The following PRMT8 variants were observed in gnomAD, a reference collection of about 807,000 sequenced individuals.
The protein encoded by PRMT8 is protein arginine methyltransferase 8.
A neutral mutation model predicts 47.1 loss-of-function variants in PRMT8; 7 were observed. The observed-to-expected ratio is 0.15, with a 90% confidence interval of 0.08 to 0.28. The LOEUF (loss-of-function observed/expected upper bound fraction) is 0.28. Ranked by LOEUF, PRMT8 falls within the 10% of genes least tolerant of loss-of-function variation. The probability of loss-of-function intolerance (pLI) is 1.00; values close to 1 mark genes in which losing one functional copy is unlikely to be tolerated. For missense variants in PRMT8, 237 were observed against 505.4 expected (o/e 0.47, Z 5.09); for synonymous variants, 188 against 186.5 (o/e 1.01, Z -0.07).
intron 2 of PRMT8, 107 bp from the exon 3 acceptor site, chr12:3,549,829 C>A: frequency 7.9e-7 from 1 of 1,264,660 alleles, no homozygotes; most frequent in Non-Finnish European, 1.1e-6. Context: ...ATGATATTAT[C>A]GGGTCTCCTG....
At chr12:3,589,154 G>T (rs1037738660) in intron 8 of PRMT8, among the ~76,000 whole-genome samples, 5 of 152,228 alleles carry the variant, frequency 3.3e-5, no homozygotes, top group African/African-American at 1.2e-4. Flanking sequence ...TTTAGGTAGG[G>T]TGGCCATGTA....
chr12:3,544,230 C>T (rs2137169400), intron 2 of PRMT8, among the ~76,000 whole-genome samples: 1 of 152,268 alleles, frequency 6.6e-6, no homozygotes, highest in Middle Eastern at 3.4e-3. Context: ...GGCTCTTCTC[C>T]CAGGAAGGGG....
chr12:3,437,347 G>C (rs1412602135), intron 1 of PRMT8, among the ~76,000 whole-genome samples: 1 of 151,816 alleles, frequency 6.6e-6, no homozygotes, highest in East Asian at 1.9e-4. Context: ...GTACAATTTA[G>C]TTTTATATAT....
At chr12:3,474,477 C>T (rs192293646) in intron 1 of PRMT8, among the ~76,000 whole-genome samples, 132 of 152,280 alleles carry the variant, frequency 8.7e-4, no homozygotes, top group Middle Eastern at 3.4e-3. Flanking sequence ...CCTGTCTCTT[C>T]CTGTTGGCTT....
intron 1 of PRMT8, among the ~76,000 whole-genome samples, chr12:3,522,648 TAAAAA>T (rs57112104): frequency 4.3e-4 from 56 of 131,028 alleles, no homozygotes; most frequent in Non-Finnish European, 6.9e-4. Flanking sequence ...GAGACTCCAT[TAAAAA>T]AAAAAAAAAA....
intron 1 of PRMT8, among the ~76,000 whole-genome samples, chr12:3,471,564 C>A (rs11615106): frequency 0.048 from 7,341 of 151,708 alleles, 246 homozygotes; most frequent in Non-Finnish European, 0.067. Flanking sequence ...CAGTCACCCC[C>A]CCTTGGCCCT....
chr12:3,400,385 A>G (rs1864304558), intron 1 of PRMT8, among the ~76,000 whole-genome samples: 1 of 152,232 alleles, frequency 6.6e-6, no homozygotes, highest in Non-Finnish European at 1.5e-5. Context: ...AAATACCTCT[A>G]TGCACATAAA....
intron 1 of PRMT8, among the ~76,000 whole-genome samples, chr12:3,432,375 C>T (rs746613688): frequency 6.6e-5 from 10 of 152,214 alleles, no homozygotes; most frequent in Admixed American, 2.0e-4. Flanking sequence ...GTAAGACACA[C>T]GCTCAAGGAA....
At chr12:3,539,807 G>C (rs1290586407) in intron 1 of PRMT8, among the ~76,000 whole-genome samples, 1 of 152,236 alleles carries the variant, frequency 6.6e-6, no homozygotes, top group Non-Finnish European at 1.5e-5. Context: ...AATTGGTTGT[G>C]TGGAGGCCAT....
At chr12:3,568,666 G>A in intron 4 of PRMT8, 40 bp from the exon 5 acceptor site, 1 of 1,612,790 alleles carries the variant, frequency 6.2e-7, no homozygotes, top group Non-Finnish European at 8.5e-7. Flanking sequence ...TCCTGGGTGG[G>A]GTCCCTGCAA....
In PRMT8 at chr12:3,508,203, G is replaced by T. The variant is rs1865659733; in HGVS notation, c.75+16503G>T. On this transcript the variant is annotated intron_variant, in intron 1 of 9. Coordinates refer to ENST00000382622, the MANE Select transcript of PRMT8 (RefSeq NM_019854.5). The surrounding 1 kb of genome is among the most constrained non-coding windows in gnomAD (Gnocchi z 4.9). The stretch of plus-strand genomic sequence containing the variant: ...GGAGAAAATTTATAGTTCATAATGG[G>T]AATAGTCAATTCTGATGTTCACCGA... 6.6e-6 allele frequency among the ~76,000 whole-genome samples: 1 copy of T among 152,094 alleles called. No individual in the cohort carries two copies. Among genetic ancestry groups the T allele is most frequent in the African/African-American group, 2.4e-5 (1 of 41,410 alleles).
chr12:3,456,900 GTCTTT>G lies in PRMT8; in HGVS notation c.48+75463_48+75467del, dbSNP rs1249185643. The stretch of plus-strand genomic sequence containing the variant: ...GGCTTTAAACACAGAGGACAGGTGC[GTCTTT>G]TCTTGCTGTGGCTGACGTCCTAGCC... On this transcript the variant is annotated intron_variant, in intron 1 of 9. Transcript: ENST00000452611. The surrounding 1 kb of genome is among the most constrained non-coding windows in gnomAD (Gnocchi z 4.2). 6.6e-6 allele frequency among the ~76,000 whole-genome samples: 1 copy of G among 152,168 alleles called. No homozygotes were observed. Among genetic ancestry groups the G allele is most frequent in the Non-Finnish European group, 1.5e-5 (1 of 68,034 alleles).
intron 1 of PRMT8, among the ~76,000 whole-genome samples, chr12:3,534,328 CA>C (rs1255414173): frequency 6.6e-6 from 1 of 152,226 alleles, no homozygotes; most frequent in Non-Finnish European, 1.5e-5. Flanking sequence ...ATTTATAGCC[CA>C]AAGGGCTTAG....
At chr12:3,577,169 G>A (rs1866961063) in intron 7 of PRMT8, among the ~76,000 whole-genome samples, 183 bp downstream of exon 7, 1 of 152,232 alleles carries the variant, frequency 6.6e-6, no homozygotes, top group South Asian at 2.1e-4. Context: ...CACAGCCACT[G>A]AGAGAGTGGC....
rs1864743166 is a variant in PRMT8 at position 3,436,584 on chromosome 12, G to T, written c.48+55142G>T. Among the ~76,000 whole-genome samples, 1 of 152,164 alleles carries T rather than the reference G, an allele frequency of 6.6e-6. No individual in the cohort carries two copies. Among genetic ancestry groups the T allele is most frequent in the South Asian group, 2.1e-4 (1 of 4,830 alleles). On this transcript the variant is annotated intron_variant, in intron 1 of 9. Coordinates refer to the PRMT8 transcript ENST00000452611. This position sits in a 1 kb window ranked among gnomAD's most constrained non-coding sequence, Gnocchi z 4.2. ...CAGTAATTTTTCTAAGAGGAGGCAG[G>T]AATGCGGCCGACTGGGCTCCACTGT...
upstream of PRMT8, among the ~76,000 whole-genome samples, chr12:3,489,421 T>C (rs1353071882): frequency 2.0e-5 from 3 of 151,910 alleles, no homozygotes; most frequent in African/African-American, 7.3e-5. Context: ...TGCTTGCTGA[T>C]GGACCATGGG....
Position 3,451,618 on chromosome 12 carries a change from C to T in PRMT8, c.48+70176C>T, listed in dbSNP as rs368032674. Among the ~76,000 whole-genome samples, 159 of 152,326 alleles carry T rather than the reference C, an allele frequency of 1.0e-3. 5 individuals carry two copies. The South Asian group carries it at 0.032, about 30-fold the overall frequency. ...ACTGGCCATGAGGCATACATGGGTG[C>T]TTAGCTGTGCTTTCGTGCTCCAACA... On this transcript the variant is annotated intron_variant, in intron 1 of 9. Transcript: ENST00000452611.
Position 3,550,127 on chromosome 12 carries a change from A to G in PRMT8, c.417+36A>G, listed in dbSNP as rs768894720. On this transcript the variant is annotated intron_variant, in intron 3 of 9. Transcript: ENST00000382622. This position sits in a 1 kb window ranked among gnomAD's most constrained non-coding sequence, Gnocchi z 5.1. ...CGCTTCCTCCTGCATGCTGGCTTCC[A>G]CAGAGCCAGCCTCTTGCCCTCTGCC... 1 of 1,609,248 alleles carries G rather than the reference A, an allele frequency of 6.2e-7. No homozygotes were observed. Among genetic ancestry groups the G allele is most frequent in the Non-Finnish European group, 8.5e-7 (1 of 1,177,078 alleles).
At chr12:3,571,160 C>T (rs1291385186) in intron 6 of PRMT8, among the ~76,000 whole-genome samples, 2 of 152,204 alleles carry the variant, frequency 1.3e-5, no homozygotes, top group South Asian at 2.1e-4. Context: ...TGTAGCTAAG[C>T]CCCTTTCTGC....
Sources: allele counts gnomAD v4.1 joint callset (sites outside exome capture counted in the v4.1 genomes callset), GRCh38; gene constraint gnomAD v4.1.1; non-coding constraint Gnocchi (gnomAD v3.1); transcripts MANE v1.5; gene names NCBI Gene and HGNC (gene_info 2026-07-23, HGNC 2026-07-21).